NFIB: variants seen among roughly 807,000 people sequenced by gnomAD.
NFIB encodes the protein nuclear factor I B.
Under a neutral mutation model 61.5 loss-of-function variants are expected in NFIB, and 11 were observed. The observed-to-expected ratio is 0.18, with a 90% confidence interval of 0.11 to 0.30. The LOEUF is 0.30. Ranked by LOEUF, NFIB falls within the 10% of genes least tolerant of loss-of-function variation. The pLI, the probability that NFIB is intolerant of heterozygous loss-of-function variation, is 1.00. For missense variants in NFIB, 471 were observed against 608.9 expected (o/e 0.77, Z 2.38); for synonymous variants, 260 against 216.5 (o/e 1.20, Z -1.76).
chr9:14,206,093 G>A (rs12376677), intron 2 of NFIB, among the ~76,000 whole-genome samples: 59,097 of 151,822 alleles, frequency 0.39, 13,954 homozygotes, highest in Non-Finnish European at 0.54. Context: ...TTAATAATGG[G>A]CCACTCTTAA....
intron 2 of NFIB, among the ~76,000 whole-genome samples, chr9:14,190,320 G>C (rs2047806458): frequency 6.6e-6 from 1 of 152,160 alleles, no homozygotes; most frequent in Non-Finnish European, 1.5e-5. Flanking sequence ...CTGGATAACA[G>C]AGTAAGATGA....
intron 3 of NFIB, among the ~76,000 whole-genome samples, chr9:14,158,544 A>G (rs1254216238): frequency 6.6e-6 from 1 of 152,230 alleles, no homozygotes; most frequent in Non-Finnish European, 1.5e-5. Flanking sequence ...TCATCTCTAT[A>G]TCTTCCTTAA....
Position 14,087,850 on chromosome 9 carries a change from C to T in NFIB, c.*459G>A, listed in dbSNP as rs2033106371. The T allele has an allele frequency of 4.4e-6, 1 of 225,920 alleles. No homozygotes were observed. The highest frequency in any genetic ancestry group is 2.2e-5 in the African/African-American group (1 of 44,832). The allele number at this position is 225,920 out of a possible 1,614,324, so 14.0% of individuals were successfully genotyped here. On this transcript the variant is annotated 3_prime_UTR_variant, in exon 11 of 11. Transcript: ENST00000380953. ...ATGCGTAAACAACAAGAATACTAAA[C>T]CAATAAAACTAGCTTATCATGCAAA...
rs553016781 is a variant in NFIB at position 14,139,108 on chromosome 9, G to C, written c.925+7581C>G. On this transcript the variant is annotated intron_variant, in intron 6 of 10. Coordinates refer to ENST00000380953, the MANE Select transcript of NFIB (RefSeq NM_001190737.2). Reference sequence around the variant, plus strand: ...TTTAAATCTCCTAGGCCATTTGTAAGTTTACATACTGATTCCCTAGGCAGG... The same window carrying C: ...TTTAAATCTCCTAGGCCATTTGTAACTTTACATACTGATTCCCTAGGCAGG... 3.0e-3 allele frequency among the ~76,000 whole-genome samples: 461 copies of C among 152,156 alleles called. 4 individuals carry two copies. The highest frequency in any genetic ancestry group is 0.011 in the African/African-American group (438 of 41,508).
chr9:14,514,347 C>T, the NFIB span, among the ~76,000 whole-genome samples: 2 of 151,882 alleles, frequency 1.3e-5, no homozygotes, highest in East Asian at 1.9e-4. Context: ...CACACACACA[C>T]GCATCCACCA....
chr9:14,390,260 C>A (rs2133029303), intron 1 of NFIB, among the ~76,000 whole-genome samples: 1 of 152,210 alleles, frequency 6.6e-6, no homozygotes, highest in African/African-American at 2.4e-5. Flanking sequence ...TGACCTTGGG[C>A]AGATTACTTT....
intron 1 of NFIB, chr9:14,321,826 A>G (rs2060667918): frequency 1.7e-6 from 2 of 1,177,172 alleles, no homozygotes; most frequent in South Asian, 8.7e-5. Flanking sequence ...GAAAGGGGTA[A>G]AACAGCCACT....
At chr9:14,217,658 C>T (rs1428339239) in intron 2 of NFIB, among the ~76,000 whole-genome samples, 4 of 15,012 alleles carry the variant, frequency 2.7e-4, no homozygotes, top group Middle Eastern at 0.014. Context: ...GAAACTCCAT[C>T]TCAAAAAAAA....
the NFIB span, among the ~76,000 whole-genome samples, chr9:14,412,901 G>A: frequency 1.9e-3 from 285 of 152,270 alleles, 1 homozygote; most frequent in African/African-American, 6.6e-3. Flanking sequence ...GTGGGGTGGT[G>A]TCTGGTTACA....
intron 4 of NFIB, among the ~76,000 whole-genome samples, chr9:14,151,710 T>G (rs192071391): frequency 1.8e-4 from 28 of 152,100 alleles, no homozygotes; most frequent in Admixed American, 1.8e-3. Flanking sequence ...AGAGATAATG[T>G]GCAAAGTGGA....
intron 7 of NFIB, among the ~76,000 whole-genome samples, chr9:14,123,930 C>T (rs2130871068): frequency 6.6e-6 from 1 of 152,242 alleles, no homozygotes; most frequent in African/African-American, 2.4e-5. Flanking sequence ...TTGTGGTGAA[C>T]TTTGCCATCA....
chr9:14,365,547 T>C (rs1010243983), intron 1 of NFIB, among the ~76,000 whole-genome samples: 2 of 152,234 alleles, frequency 1.3e-5, no homozygotes, highest in Non-Finnish European at 2.9e-5. Context: ...AGCATGACAG[T>C]TGTAAAATCT....
the NFIB span, among the ~76,000 whole-genome samples, chr9:14,455,213 GT>G: frequency 6.6e-6 from 1 of 152,194 alleles, no homozygotes; most frequent in Non-Finnish European, 1.5e-5. Context: ...GTGCAAAGTA[GT>G]AAAAATCTGA....
At chr9:14,356,965 G>T (rs1277087678) in intron 1 of NFIB, among the ~76,000 whole-genome samples, 1 of 152,212 alleles carries the variant, frequency 6.6e-6, no homozygotes, top group Non-Finnish European at 1.5e-5. Flanking sequence ...CAGGAGGTCT[G>T]CTTTTCTAGT....
intron 2 of NFIB, among the ~76,000 whole-genome samples, chr9:14,185,244 AG>A (rs1376892373): frequency 1.3e-5 from 2 of 152,108 alleles, no homozygotes; most frequent in African/African-American, 4.8e-5. Flanking sequence ...AGGTGACCTT[AG>A]GAACAATGCC....
the NFIB span, among the ~76,000 whole-genome samples, chr9:14,527,063 A>G: frequency 6.6e-6 from 1 of 152,208 alleles, no homozygotes; most frequent in Non-Finnish European, 1.5e-5. Context: ...TCATTCCCAC[A>G]TAAGAAAGTA....
chr9:14,211,109 T>C lies in NFIB; in HGVS notation c.563-31329A>G, dbSNP rs1462580223. ...GTATTTGTACAATGTTAAGTATCACTGCAACCTGGAAAAACTTGCGGTAAA... is the reference window on the plus strand; with the variant it reads ...GTATTTGTACAATGTTAAGTATCACCGCAACCTGGAAAAACTTGCGGTAAA... On this transcript the variant is annotated intron_variant, in intron 2 of 10. Coordinates refer to ENST00000380953, the MANE Select transcript of NFIB (RefSeq NM_001190737.2). Among the ~76,000 whole-genome samples the C allele has an allele frequency of 2.6e-5, 4 of 152,228 alleles. No homozygotes were observed. The South Asian group carries it at 8.3e-4, about 31-fold the overall frequency.
intron 1 of NFIB, chr9:14,361,353 C>A (rs1468221213): frequency 1.3e-5 from 2 of 151,470 alleles, no homozygotes; most frequent in African/African-American, 2.4e-5. Context: ...AGTAAACTAA[C>A]ACCCACTTGT....
chr9:14,530,084 T>A, the NFIB span, among the ~76,000 whole-genome samples: 1 of 152,206 alleles, frequency 6.6e-6, no homozygotes, highest in Non-Finnish European at 1.5e-5. Context: ...ACCTTTTTAC[T>A]TTTCCCCAAC....
Sources: gnomAD v4.1 joint callset for allele counts (sites outside exome capture counted in the v4.1 genomes callset) on GRCh38, gnomAD v4.1.1 for gene constraint, MANE v1.5 for transcripts, NCBI Gene and HGNC (gene_info 2026-07-23, HGNC 2026-07-21) for gene names.